HPSE2: variants seen among roughly 807,000 people sequenced by gnomAD.
HPSE2 encodes the protein inactive heparanase-2.
A neutral mutation model predicts 60.5 loss-of-function variants in HPSE2; 38 were observed. That is an observed-to-expected ratio of 0.63 (90% confidence interval 0.48 to 0.82). The LOEUF (loss-of-function observed/expected upper bound fraction) is 0.82, where lower values mean the gene tolerates loss of function less well. HPSE2 is among the 40% of genes least tolerant of loss of function. The probability of loss-of-function intolerance (pLI) is 0.00; values close to 1 mark genes in which losing one functional copy is unlikely to be tolerated. For missense variants in HPSE2, 713 were observed against 740.4 expected, an observed-to-expected ratio of 0.96 and a Z score of 0.43; for synonymous variants, 295 against 293.2, an observed-to-expected ratio of 1.01 and a Z score of -0.06.
intron 9 of HPSE2, among the ~76,000 whole-genome samples, chr10:98,591,059 C>G (rs553625036): frequency 2.8e-4 from 42 of 151,862 alleles, no homozygotes; most frequent in African/African-American, 9.5e-4. Flanking sequence ...AGTAATCTTC[C>G]CTGTACAGTT....
intron 3 of HPSE2, among the ~76,000 whole-genome samples, chr10:99,103,889 T>C (rs895187719): frequency 2.6e-5 from 4 of 152,006 alleles, no homozygotes; most frequent in African/African-American, 9.7e-5. Context: ...GGGGAAAGGG[T>C]TCCCTATTTA....
chr10:98,874,703 A>G (rs1353926004), intron 3 of HPSE2, among the ~76,000 whole-genome samples: 1 of 152,052 alleles, frequency 6.6e-6, no homozygotes, highest in Non-Finnish European at 1.5e-5. Flanking sequence ...TTCAAAGGCA[A>G]TGCTTCCAAC....
chr10:99,094,541 T>TA (rs1491238747), intron 3 of HPSE2, among the ~76,000 whole-genome samples: 137 of 13,364 alleles, frequency 0.01, no homozygotes, highest in Non-Finnish European at 0.013. Flanking sequence ...TATATATATA[T>TA]TTTTTTTTTT....
intron 3 of HPSE2, among the ~76,000 whole-genome samples, chr10:98,874,229 A>G (rs532043531): frequency 6.6e-6 from 1 of 151,720 alleles, no homozygotes; most frequent in Non-Finnish European, 1.5e-5. Context: ...CTATTTGTCA[A>G]TTATGGCTTT....
chr10:98,807,159 A>G (rs1260754327), intron 3 of HPSE2, among the ~76,000 whole-genome samples: 1 of 152,208 alleles, frequency 6.6e-6, no homozygotes, highest in Non-Finnish European at 1.5e-5. Context: ...TAAAAAAATA[A>G]TAATAATATT....
chr10:99,083,966 CTTTTTTTT>C (rs34799799), intron 3 of HPSE2, among the ~76,000 whole-genome samples: 4 of 79,764 alleles, frequency 5.0e-5, no homozygotes, highest in Admixed American at 1.8e-4. Context: ...GTGTGAAAGC[CTTTTTTTT>C]TTTTTTTTTT....
chr10:99,274,398 T>C, the HPSE2 span, among the ~76,000 whole-genome samples: 1 of 152,058 alleles, frequency 6.6e-6, no homozygotes, highest in African/African-American at 2.4e-5. Context: ...CACATGTATC[T>C]TGGAACTTAA....
chr10:99,076,658 G>C (rs1842959868), intron 3 of HPSE2, among the ~76,000 whole-genome samples: 4 of 152,144 alleles, frequency 2.6e-5, no homozygotes. Context: ...AAAGTACTGG[G>C]ATTACAGGTG....
chr10:99,034,288 C>T lies in HPSE2; in HGVS notation c.610+109950G>A, dbSNP rs1957561502. Among the ~76,000 whole-genome samples, 3 of 151,780 alleles carry T rather than the reference C, an allele frequency of 2.0e-5. No individual in the cohort carries two copies. In the South Asian group the frequency reaches 6.3e-4, roughly 32 times the overall value. ...GTATTGTATGATTCCATTTATATGA[C>T]GTTGGAAAAAGGCAAACTATGAGGA... On this transcript the variant is annotated intron_variant, in intron 3 of 11. Transcript: ENST00000370552.
At chr10:98,629,423 T>C (rs1014211522) in intron 7 of HPSE2, among the ~76,000 whole-genome samples, 7 of 152,228 alleles carry the variant, frequency 4.6e-5, no homozygotes, top group East Asian at 1.9e-4. Context: ...TTGCCTCTTG[T>C]CAGTCTTTGT....
intron 3 of HPSE2, among the ~76,000 whole-genome samples, chr10:99,068,162 A>T (rs561975060): frequency 8.5e-5 from 13 of 152,266 alleles, no homozygotes; most frequent in Middle Eastern, 3.4e-3. Flanking sequence ...AGGAAGTTCC[A>T]AACTTGCCCG....
intron 7 of HPSE2, among the ~76,000 whole-genome samples, chr10:98,638,015 C>T (rs1946541296): frequency 6.6e-6 from 1 of 151,736 alleles, no homozygotes; most frequent in African/African-American, 2.4e-5. Flanking sequence ...TGGCATGAGC[C>T]TGTAGTCCCA....
intron 3 of HPSE2, among the ~76,000 whole-genome samples, chr10:98,782,941 G>GTGT (rs1950513252): frequency 1.7e-5 from 2 of 116,104 alleles, no homozygotes; most frequent in African/African-American, 6.8e-5. Flanking sequence ...TTTTTTTAAT[G>GTGT]TTTTTTTTTT....
At chr10:98,897,503 T>A (rs1953528313) in intron 3 of HPSE2, among the ~76,000 whole-genome samples, 1 of 151,964 alleles carries the variant, frequency 6.6e-6, no homozygotes. Flanking sequence ...CAAGACACCA[T>A]GACATACACA....
At chr10:98,635,939 T>A (rs11189729) in intron 7 of HPSE2, among the ~76,000 whole-genome samples, 6,026 of 152,122 alleles carry the variant, frequency 0.04, 262 homozygotes, top group East Asian at 0.17. Flanking sequence ...GAAAGATAAA[T>A]ACCACATATG....
intron 3 of HPSE2, among the ~76,000 whole-genome samples, chr10:98,959,358 GAAAAAA>G (rs540992148): frequency 1.3e-5 from 1 of 77,452 alleles, no homozygotes; most frequent in African/African-American, 3.9e-5. Flanking sequence ...ACTATCTCTG[GAAAAAA>G]AAAAAAAAAA....
intron 4 of HPSE2, among the ~76,000 whole-genome samples, chr10:98,727,184 T>C (rs1360349419): frequency 2.0e-5 from 3 of 152,130 alleles, no homozygotes; most frequent in Non-Finnish European, 4.4e-5. Context: ...AAGTACAGAA[T>C]TCAGAGTTGG....
intron 9 of HPSE2, among the ~76,000 whole-genome samples, chr10:98,529,413 G>A (rs759499182): frequency 1.2e-4 from 19 of 152,054 alleles, no homozygotes; most frequent in Non-Finnish European, 2.5e-4. Flanking sequence ...TTAAAGACAT[G>A]TAAAAATATA....
intron 3 of HPSE2, among the ~76,000 whole-genome samples, chr10:98,929,753 A>C (rs1292475345): frequency 6.9e-6 from 1 of 144,358 alleles, no homozygotes; most frequent in Non-Finnish European, 1.5e-5. Flanking sequence ...AAATCAGCCT[A>C]AGTTTGTGTT....
Sources: allele counts gnomAD v4.1 joint callset (sites outside exome capture counted in the v4.1 genomes callset), GRCh38; gene constraint gnomAD v4.1.1; transcripts MANE v1.5; gene names NCBI Gene and HGNC (gene_info 2026-07-23, HGNC 2026-07-21).